The following KCTD16 variants were observed in gnomAD, a reference collection of about 807,000 sequenced individuals.
KCTD16 encodes the protein BTB/POZ domain-containing protein KCTD16.
Under a neutral mutation model 33.2 loss-of-function variants are expected in KCTD16, and 13 were observed. That is an observed-to-expected ratio of 0.39 (90% CI 0.25 to 0.62). The LOEUF (loss-of-function observed/expected upper bound fraction) is 0.62. Among genes scored for constraint, KCTD16 ranks in the 20% least tolerant of loss-of-function variants. The pLI, the probability that KCTD16 is intolerant of heterozygous loss-of-function variation, is 0.50. For missense variants in KCTD16, 441 were observed against 525.1 expected, an observed-to-expected ratio of 0.84 and a Z score of 1.57; for synonymous variants, 197 against 195.3, an observed-to-expected ratio of 1.01 and a Z score of -0.07.
chr5:144,436,780 G>A (rs1009939971), intron 3 of KCTD16, among the ~76,000 whole-genome samples: 1 of 151,766 alleles, frequency 6.6e-6, no homozygotes, highest in Non-Finnish European at 1.5e-5. Flanking sequence ...TAGAGACGGC[G>A]TTTCACCATG....
intron 3 of KCTD16, among the ~76,000 whole-genome samples, chr5:144,280,787 C>A (rs1023273920): frequency 7.9e-5 from 12 of 152,124 alleles, no homozygotes; most frequent in African/African-American, 2.9e-4. Context: ...ATTAGCTGGG[C>A]GTGATGGTGG....
At chr5:144,461,156 C>T (rs78013422) in intron 3 of KCTD16, among the ~76,000 whole-genome samples, 4,442 of 152,110 alleles carry the variant, frequency 0.029, 220 homozygotes, top group African/African-American at 0.1. Context: ...TGTTTTCCAC[C>T]GGGCTGCTCT....
At chr5:144,354,301 C>A (rs1751519666) in intron 3 of KCTD16, among the ~76,000 whole-genome samples, 1 of 152,078 alleles carries the variant, frequency 6.6e-6, no homozygotes, top group African/African-American at 2.4e-5. Context: ...TTGATATGAT[C>A]ATTCTCTTAT....
chr5:144,413,248 G>C (rs1752973827), intron 3 of KCTD16, among the ~76,000 whole-genome samples: 1 of 152,152 alleles, frequency 6.6e-6, no homozygotes, highest in Non-Finnish European at 1.5e-5. Flanking sequence ...TAGGACTCAG[G>C]CATGCACAGA....
intron 3 of KCTD16, among the ~76,000 whole-genome samples, chr5:144,469,827 G>C (rs349681): frequency 0.46 from 69,032 of 151,344 alleles, 16,009 homozygotes; most frequent in East Asian, 0.67. Flanking sequence ...TCAAGCCACT[G>C]TTATGCAGCA....
At chr5:144,361,031 T>C (rs1751700633) in intron 3 of KCTD16, among the ~76,000 whole-genome samples, 1 of 150,572 alleles carries the variant, frequency 6.6e-6, no homozygotes, top group African/African-American at 2.4e-5. Context: ...ATTAGGTATA[T>C]CTCCCAATGC....
intron 1 of KCTD16, among the ~76,000 whole-genome samples, chr5:144,173,849 T>A (rs565353296): frequency 6.6e-6 from 1 of 152,228 alleles, no homozygotes; most frequent in African/African-American, 2.4e-5. Flanking sequence ...CCTTAGAAAT[T>A]TTGAGAACAT....
chr5:144,306,730 T>A (rs1751612029), intron 3 of KCTD16, among the ~76,000 whole-genome samples: 1 of 152,128 alleles, frequency 6.6e-6, no homozygotes, highest in African/African-American at 2.4e-5. Context: ...TGTTAGCAAA[T>A]CTTACCTGCT....
At chr5:144,415,015 G>C (rs1363660533) in intron 3 of KCTD16, among the ~76,000 whole-genome samples, 1 of 152,162 alleles carries the variant, frequency 6.6e-6, no homozygotes, top group Non-Finnish European at 1.5e-5. Context: ...ACCTGAGACT[G>C]AGTAATTCAT....
In KCTD16 at chr5:144,347,766, G is replaced by A. The variant is rs1271299810; in HGVS notation, c.833-125894G>A. The stretch of plus-strand genomic sequence containing the variant: ...AGCTGTCCCTTTCCAGGCCCACATC[G>A]AGGCTGAAGGCTTCTACTTTGGGAT... On this transcript the variant is annotated intron_variant, in intron 3 of 3. Coordinates refer to ENST00000512467, the MANE Select transcript of KCTD16 (RefSeq NM_020768.4). 3.3e-5 allele frequency among the ~76,000 whole-genome samples: 5 copies of A among 152,122 alleles called. 1 individual carries two copies. Among genetic ancestry groups the A allele is most frequent in the Admixed American group, 2.0e-4 (3 of 15,270 alleles).
chr5:144,308,742 C>T (rs1751676520), intron 3 of KCTD16, among the ~76,000 whole-genome samples: 1 of 140,482 alleles, frequency 7.1e-6, no homozygotes, highest in South Asian at 2.2e-4. Flanking sequence ...AAACCTGCCT[C>T]CATCCTCAGA....
At chr5:144,296,225 A>G (rs1175013681) in intron 3 of KCTD16, among the ~76,000 whole-genome samples, 3 of 151,694 alleles carry the variant, frequency 2.0e-5, no homozygotes, top group African/African-American at 7.3e-5. Context: ...TAAAAAAAAT[A>G]AAAGGACCCC....
At chr5:144,241,948 A>G (rs769191682) in intron 3 of KCTD16, among the ~76,000 whole-genome samples, 1 of 152,184 alleles carries the variant, frequency 6.6e-6, no homozygotes, top group Non-Finnish European at 1.5e-5. Context: ...GGTGTAGCTA[A>G]GAATTGAAGA....
intron 3 of KCTD16, among the ~76,000 whole-genome samples, chr5:144,302,672 A>G (rs1025998401): frequency 2.6e-5 from 4 of 152,242 alleles, no homozygotes; most frequent in Admixed American, 6.5e-5. Flanking sequence ...CAAAGAAAGA[A>G]TAACTTAACT....
rs180780595 is a variant in KCTD16, at chr5:144,210,530, C to A, written c.832+2984C>A. The stretch of plus-strand genomic sequence containing the variant: ...AAGGTTTCTTTACTACTTTCCCAAC[C>A]AACTGACTGAATAATTACTTTTCAA... On this transcript the variant is annotated intron_variant, in intron 3 of 3. Coordinates refer to ENST00000512467, the MANE Select transcript of KCTD16 (RefSeq NM_020768.4). Among the ~76,000 whole-genome samples, 23 of 152,232 alleles carry A rather than the reference C, an allele frequency of 1.5e-4. 1 individual carries two copies. The highest frequency in any genetic ancestry group is 1.3e-3 in the Admixed American group (20 of 15,282).
rs1417548569 is a variant in KCTD16, at chr5:144,481,500, T to A, written c.*7386T>A. The stretch of plus-strand genomic sequence containing the variant: ...CTACTGAGTCTTATTGTTTAGTTTA[T>A]ATACACTGACTTTATTAGAACACAA... On this transcript the variant is annotated 3_prime_UTR_variant, in exon 4 of 4. Transcript: ENST00000512467. 2 of 151,958 alleles carry A rather than the reference T, an allele frequency of 1.3e-5. No individual in the cohort carries two copies. 9.4% of individuals were successfully genotyped at this position (151,958 alleles called of 1,614,324 possible). A position where few individuals can be genotyped will look rare whatever the true frequency, so the allele number is the denominator to read the frequency against.
At chr5:144,412,749 G>C (rs1752960222) in intron 3 of KCTD16, among the ~76,000 whole-genome samples, 2 of 152,104 alleles carry the variant, frequency 1.3e-5, no homozygotes, top group Non-Finnish European at 2.9e-5. Context: ...AGCTGGGCAT[G>C]GTGGTGCGCA....
intron 3 of KCTD16, among the ~76,000 whole-genome samples, chr5:144,369,709 A>C (rs951216199): frequency 6.6e-6 from 1 of 152,184 alleles, no homozygotes. Flanking sequence ...ATTTTCATTC[A>C]ATCTAAATCT....
chr5:144,215,099 C>T (rs535687188), intron 3 of KCTD16, among the ~76,000 whole-genome samples: 1 of 152,276 alleles, frequency 6.6e-6, no homozygotes, highest in Non-Finnish European at 1.5e-5. Context: ...TATTTTCTAA[C>T]TTTCACTGAG....
Sources: gnomAD v4.1 joint callset for allele counts (sites outside exome capture counted in the v4.1 genomes callset) on GRCh38, gnomAD v4.1.1 for gene constraint, MANE v1.5 for transcripts, NCBI Gene and HGNC (gene_info 2026-07-23, HGNC 2026-07-21) for gene names.